The following PEX14 variants were observed in gnomAD, a reference collection of about 807,000 sequenced individuals.
PEX14 encodes peroxisomal biogenesis factor 14.
Under a neutral mutation model 49.5 loss-of-function variants are expected in PEX14, and 15 were observed. That is an observed-to-expected ratio of 0.30 (90% CI 0.20 to 0.47). The LOEUF (loss-of-function observed/expected upper bound fraction) is 0.47. Among genes scored for constraint, PEX14 ranks in the 20% least tolerant of loss-of-function variants. PEX14 has a pLI of 1.00. For synonymous variants in PEX14, 210 were observed against 212.7 expected (o/e 0.99, Z 0.11); for missense variants, 398 against 494.8 (o/e 0.80, Z 1.86).
At chr1:10,555,642 A>AGTGT (rs56824548) in intron 3 of PEX14, among the ~76,000 whole-genome samples, 49,764 of 149,272 alleles carry the variant, frequency 0.33, 8,868 homozygotes, top group Non-Finnish European at 0.41. Flanking sequence ...GCAAGGTGTG[A>AGTGT]GTGTGTGTGT....
intron 3 of PEX14, among the ~76,000 whole-genome samples, chr1:10,563,107 G>T (rs569792249): frequency 3.7e-4 from 55 of 148,344 alleles, no homozygotes; most frequent in East Asian, 6.1e-4. Flanking sequence ...TGGTAGAGGC[G>T]GGGTTTCACC....
chr1:10,480,223 G>C (rs1349415914), intron 1 of PEX14, among the ~76,000 whole-genome samples: 1 of 146,194 alleles, frequency 6.8e-6, no homozygotes, highest in Non-Finnish European at 1.5e-5. Context: ...GTTTTGTTTT[G>C]TTTTTGAGAT....
At chr1:10,554,209 C>T (rs1214819713) in intron 3 of PEX14, among the ~76,000 whole-genome samples, 2 of 147,764 alleles carry the variant, frequency 1.4e-5, no homozygotes, top group Non-Finnish European at 3.0e-5. Context: ...GAGGCTGAGG[C>T]AGGAGGATGG....
At chr1:10,591,708 C>A (rs993019172) in intron 3 of PEX14, among the ~76,000 whole-genome samples, 2 of 150,370 alleles carry the variant, frequency 1.3e-5, no homozygotes, top group Non-Finnish European at 3.0e-5. Context: ...CTAGTTTTCC[C>A]CCATGCTCCT....
intron 1 of PEX14, among the ~76,000 whole-genome samples, chr1:10,489,770 C>T (rs114711743): frequency 0.041 from 6,297 of 152,278 alleles, 463 homozygotes; most frequent in African/African-American, 0.14. Flanking sequence ...AAGTGGGTGG[C>T]GTGCTCTGCT....
chr1:10,578,037 A>G (rs1376347581), intron 3 of PEX14, among the ~76,000 whole-genome samples: 1 of 151,968 alleles, frequency 6.6e-6, no homozygotes, highest in Admixed American at 6.6e-5. Flanking sequence ...CTCAAGCAGA[A>G]AGCTGTGTCA....
rs1324050575 is a variant in PEX14, at chr1:10,628,238, T to C, written c.677+875T>C. On this transcript the variant is annotated intron_variant, in intron 8 of 8. Transcript: ENST00000356607. This position sits in a 1 kb window ranked among gnomAD's most constrained non-coding sequence, Gnocchi z 4.5. ...GTGAGCCACTGTGCCTGGACTGTTCTGGTTTTTTAAAACTGAAAGTCCAGT... is the reference window on the plus strand; with the variant it reads ...GTGAGCCACTGTGCCTGGACTGTTCCGGTTTTTTAAAACTGAAAGTCCAGT... 6.6e-6 allele frequency among the ~76,000 whole-genome samples: 1 copy of C among 152,256 alleles called. No individual in the cohort carries two copies. The highest frequency in any genetic ancestry group is 1.9e-4 in the East Asian group (1 of 5,194).
At chr1:10,488,915 G>A (rs773252707) in intron 1 of PEX14, among the ~76,000 whole-genome samples, 8 of 152,072 alleles carry the variant, frequency 5.3e-5, no homozygotes, top group Non-Finnish European at 7.4e-5. Context: ...TAGTTATATC[G>A]TCTGGTTTTT....
chr1:10,626,971 C>T (rs1641765891), intron 7 of PEX14, among the ~76,000 whole-genome samples: 1 of 152,266 alleles, frequency 6.6e-6, no homozygotes, highest in Admixed American at 6.5e-5. Context: ...CATCCCACTT[C>T]ATACCGCACC....
At chr1:10,543,773 G>C (rs1639088457) in intron 3 of PEX14, among the ~76,000 whole-genome samples, 1 of 152,064 alleles carries the variant, frequency 6.6e-6, no homozygotes, top group Non-Finnish European at 1.5e-5. Flanking sequence ...CACCTGGTGA[G>C]TTTTTTTGTA....
intron 4 of PEX14, among the ~76,000 whole-genome samples, chr1:10,615,976 A>G (rs962043300): frequency 1.3e-5 from 2 of 152,218 alleles, no homozygotes; most frequent in East Asian, 1.9e-4. Flanking sequence ...ACCTGTTCAA[A>G]AAGTGTAAAA....
At chr1:10,593,249 G>A (rs1312728045) in intron 3 of PEX14, among the ~76,000 whole-genome samples, 2 of 152,202 alleles carry the variant, frequency 1.3e-5, no homozygotes, top group East Asian at 3.8e-4. Context: ...CCAGCTCTCT[G>A]TGTTGAGCTG....
intron 2 of PEX14, chr1:10,535,870 A>G (rs1638786172): frequency 2.7e-6 from 1 of 367,824 alleles, no homozygotes; most frequent in Non-Finnish European, 5.3e-6. Flanking sequence ...GACAGCATAC[A>G]GGGCACAAGG....
intron 2 of PEX14, among the ~76,000 whole-genome samples, chr1:10,506,931 A>G (rs957596577): frequency 1.3e-5 from 2 of 152,262 alleles, no homozygotes; most frequent in Non-Finnish European, 2.9e-5. Flanking sequence ...TTCAGTTAAT[A>G]GAAAATGTTT....
chr1:10,487,779 G>A (rs1018963685), intron 1 of PEX14, among the ~76,000 whole-genome samples: 2 of 151,402 alleles, frequency 1.3e-5, no homozygotes, highest in African/African-American at 2.4e-5. Flanking sequence ...CACTGTGCCC[G>A]GCCTACTTTT....
chr1:10,582,606 G>A (rs982495778), intron 3 of PEX14, among the ~76,000 whole-genome samples: 2 of 152,158 alleles, frequency 1.3e-5, no homozygotes, highest in Non-Finnish European at 2.9e-5. Flanking sequence ...CTGATGGCTG[G>A]AACATCAGGG....
intron 4 of PEX14, among the ~76,000 whole-genome samples, chr1:10,602,388 T>G (rs1641011890): frequency 6.6e-6 from 1 of 151,960 alleles, no homozygotes; most frequent in South Asian, 2.1e-4. Context: ...ACCTCTTCAC[T>G]TCTGTACTTT....
chr1:10,528,227 G>T, intron 2 of PEX14: 1 of 651,426 alleles, frequency 1.5e-6, no homozygotes, highest in South Asian at 6.8e-5. Context: ...ACCTTTCTTC[G>T]TCTCCTTCCT....
At chr1:10,620,349 G>A (rs1289844351) in intron 5 of PEX14, among the ~76,000 whole-genome samples, 1 of 148,472 alleles carries the variant, frequency 6.7e-6, no homozygotes, top group African/African-American at 2.5e-5. Context: ...AGGCATGGTG[G>A]TGTGAGCCTG....
Sources: allele counts gnomAD v4.1 joint callset (sites outside exome capture counted in the v4.1 genomes callset), GRCh38; gene constraint gnomAD v4.1.1; non-coding constraint Gnocchi (gnomAD v3.1); transcripts MANE v1.5; gene names NCBI Gene and HGNC (gene_info 2026-07-23, HGNC 2026-07-21).